RBFOX1: variants seen among roughly 807,000 people sequenced by gnomAD.
RBFOX1 encodes the protein RNA binding fox-1 homolog 1, also known as RNA binding protein fox-1 homolog 1.
RBFOX1 carries 8 observed loss-of-function variants against 57.7 expected under a neutral mutation model. The observed-to-expected ratio is 0.14, with a 90% CI of 0.08 to 0.25. RBFOX1 has a LOEUF of 0.25. Ranked by LOEUF, RBFOX1 falls within the 10% of genes least tolerant of loss-of-function variation. The probability of loss-of-function intolerance (pLI) is 1.00; values close to 1 mark genes in which losing one functional copy is unlikely to be tolerated. For missense variants in RBFOX1, 611 were observed against 548.5 expected (o/e 1.11, Z -1.14); for synonymous variants, 326 against 222.4 (o/e 1.47, Z -4.15).
intron 3 of RBFOX1, among the ~76,000 whole-genome samples, chr16:5,753,307 A>C (rs1435616917): frequency 6.6e-6 from 1 of 152,226 alleles, no homozygotes; most frequent in Non-Finnish European, 1.5e-5. Context: ...AACACTTAAA[A>C]AAATCCTCAT....
At chr16:7,267,663 T>G (rs1406105334) in intron 4 of RBFOX1, among the ~76,000 whole-genome samples, 1 of 152,324 alleles carries the variant, frequency 6.6e-6, no homozygotes, top group Admixed American at 6.5e-5. Context: ...GAGACCAGCC[T>G]GGCCAACATG....
chr16:6,497,601 G>C (rs1290958896), intron 2 of RBFOX1, among the ~76,000 whole-genome samples: 1 of 151,340 alleles, frequency 6.6e-6, no homozygotes, highest in Admixed American at 6.6e-5. Context: ...TTGTCACCCA[G>C]GCTGGACTGC....
intron 4 of RBFOX1, among the ~76,000 whole-genome samples, chr16:7,255,015 G>A (rs1181730968): frequency 6.6e-6 from 1 of 152,100 alleles, no homozygotes; most frequent in Non-Finnish European, 1.5e-5. Context: ...TGTGTCCTGA[G>A]TGTGCATAAT....
intron 2 of RBFOX1, among the ~76,000 whole-genome samples, chr16:6,582,088 A>G (rs561210188): frequency 2.5e-4 from 38 of 152,302 alleles, no homozygotes; most frequent in African/African-American, 7.7e-4. Flanking sequence ...ACAAAGAATT[A>G]TTGGGTTCAA....
intron 4 of RBFOX1, among the ~76,000 whole-genome samples, chr16:7,416,204 T>A (rs1169027862): frequency 2.0e-5 from 3 of 152,134 alleles, no homozygotes; most frequent in Non-Finnish European, 1.5e-5. Context: ...ACAGATTCAA[T>A]AAAAGGAAAT....
intron 3 of RBFOX1, among the ~76,000 whole-genome samples, chr16:5,662,818 G>A (rs1455196981): frequency 6.6e-6 from 1 of 152,152 alleles, no homozygotes; most frequent in Non-Finnish European, 1.5e-5. Context: ...TTGTGTAGTG[G>A]CCCCTTTGCT....
Position 6,837,547 on chromosome 16 carries a change from T to C in RBFOX1, c.-16+182897T>C, listed in dbSNP as rs148010027. 1.6e-4 allele frequency among the ~76,000 whole-genome samples: 24 copies of C among 152,266 alleles called. No homozygotes were observed. The East Asian group carries it at 4.4e-3, about 28-fold the overall frequency. On this transcript the variant is annotated intron_variant, in intron 3 of 15. Transcript: ENST00000550418. ...ATTGGGAAGACTATAATAAAAATGG[T>C]TTAGCATGTGAGTACTGGGCTCAGA...
At chr16:7,153,829 T>A (rs918995321) in intron 4 of RBFOX1, among the ~76,000 whole-genome samples, 3 of 152,046 alleles carry the variant, frequency 2.0e-5, no homozygotes, top group Admixed American at 6.6e-5. Context: ...ATGAGGAAGA[T>A]GCCCTCAAAC....
chr16:7,452,389 T>TAG (rs1461538883), intron 4 of RBFOX1, among the ~76,000 whole-genome samples: 25 of 152,286 alleles, frequency 1.6e-4, no homozygotes, highest in Non-Finnish European at 3.4e-4. Context: ...GCCTGGTGCA[T>TAG]CCCCCACCTG....
chr16:6,855,261 G>C (rs528584851), intron 3 of RBFOX1, among the ~76,000 whole-genome samples: 1 of 152,114 alleles, frequency 6.6e-6, no homozygotes, highest in South Asian at 2.1e-4. Context: ...GGAGGGAGAG[G>C]GGGAAGGAGG....
At chr16:7,401,238 G>T (rs4786153) in intron 4 of RBFOX1, among the ~76,000 whole-genome samples, 120,129 of 152,164 alleles carry the variant, frequency 0.79, 47,557 homozygotes, top group Admixed American at 0.82. Flanking sequence ...CTCTGTGAAA[G>T]AAGTCAAACT....
At position 6,590,618 on chromosome 16, in the gene RBFOX1, T is replaced by A. The variant is rs563792242; in HGVS notation, c.-63-63985T>A. Among the ~76,000 whole-genome samples the A allele has an allele frequency of 2.0e-5, 3 of 152,278 alleles. No homozygotes were observed. In the South Asian group the frequency reaches 6.2e-4, roughly 32 times the overall value. Reference sequence around the variant, plus strand: ...CAGTTCTCAGCTTAAGAAGCTAAATTGGCTTCATGGGGCCTAGCTGGAGGC... The same window carrying A: ...CAGTTCTCAGCTTAAGAAGCTAAATAGGCTTCATGGGGCCTAGCTGGAGGC... On this transcript the variant is annotated intron_variant, in intron 2 of 15. Coordinates refer to ENST00000550418, the MANE Select transcript of RBFOX1 (RefSeq NM_018723.4).
At position 7,266,553 on chromosome 16, in the gene RBFOX1, A is replaced by G. The variant is rs538943032; in HGVS notation, c.27+214455A>G. 8.5e-5 allele frequency among the ~76,000 whole-genome samples: 13 copies of G among 152,262 alleles called. No homozygotes were observed. In the East Asian group the frequency reaches 1.6e-3, roughly 18 times the overall value. On this transcript the variant is annotated intron_variant, in intron 4 of 15. Coordinates refer to ENST00000550418, the MANE Select transcript of RBFOX1 (RefSeq NM_018723.4). ...ACAACCTATTACACCTCATGCCCTCATCTAAATCTAATCACCTCACCAAAG... is the reference window on the plus strand; with the variant it reads ...ACAACCTATTACACCTCATGCCCTCGTCTAAATCTAATCACCTCACCAAAG...
At chr16:5,607,265 G>A (rs993026459) in intron 3 of RBFOX1, among the ~76,000 whole-genome samples, 1 of 152,156 alleles carries the variant, frequency 6.6e-6, no homozygotes, top group Non-Finnish European at 1.5e-5. Flanking sequence ...TGATACTCGG[G>A]GCAGTGAGAC....
intron 3 of RBFOX1, among the ~76,000 whole-genome samples, chr16:6,975,823 T>C (rs1479235660): frequency 3.3e-5 from 5 of 152,060 alleles, no homozygotes. Flanking sequence ...GTAATGGTAA[T>C]AATAGTAATA....
chr16:6,553,868 C>G (rs745326869), intron 2 of RBFOX1, among the ~76,000 whole-genome samples: 1 of 152,060 alleles, frequency 6.6e-6, no homozygotes, highest in South Asian at 2.1e-4. Flanking sequence ...AGTCCTTGGA[C>G]TTACCTTCCT....
intron 1 of RBFOX1, among the ~76,000 whole-genome samples, chr16:6,024,110 T>A (rs1291935281): frequency 1.3e-5 from 2 of 152,192 alleles, no homozygotes; most frequent in Non-Finnish European, 2.9e-5. Flanking sequence ...TACCACTGGT[T>A]TGTCATTGTT....
At chr16:6,766,839 G>A (rs1212770056) in intron 3 of RBFOX1, among the ~76,000 whole-genome samples, 2 of 151,922 alleles carry the variant, frequency 1.3e-5, no homozygotes, top group Admixed American at 1.3e-4. Flanking sequence ...AGGATGGGAG[G>A]GGATCTGGGG....
At chr16:5,264,747 G>A (rs943449525) in intron 1 of RBFOX1, among the ~76,000 whole-genome samples, 3 of 152,086 alleles carry the variant, frequency 2.0e-5, no homozygotes, top group Non-Finnish European at 2.9e-5. Context: ...CTTCTAGCTA[G>A]GAGCTTTTAA....
Sources: allele counts gnomAD v4.1 joint callset (sites outside exome capture counted in the v4.1 genomes callset), GRCh38; gene constraint gnomAD v4.1.1; transcripts MANE v1.5; gene names NCBI Gene and HGNC (gene_info 2026-07-23, HGNC 2026-07-21).